Variants in PCDH7 observed in about 807,000 individuals in gnomAD.
PCDH7 encodes protocadherin-7.
A neutral mutation model predicts 58.9 loss-of-function variants in PCDH7; 17 were observed. The observed-to-expected ratio is 0.29, with a 90% CI of 0.20 to 0.43. The LOEUF (loss-of-function observed/expected upper bound fraction) is 0.43. PCDH7 is among the 20% of genes least tolerant of loss of function. The pLI is 1.00. For synonymous variants in PCDH7, 664 were observed against 616.4 expected, an observed-to-expected ratio of 1.08 and a Z score of -1.14; for missense variants, 1,274 against 1,441.0, an observed-to-expected ratio of 0.88 and a Z score of 1.88.
At chr4:31,053,139 G>A (rs1490767233) in intron 3 of PCDH7, among the ~76,000 whole-genome samples, 1 of 151,982 alleles carries the variant, frequency 6.6e-6, no homozygotes, top group Non-Finnish European at 1.5e-5. Flanking sequence ...TAAATATGAT[G>A]TATAAAAGCA....
chr4:30,815,474 T>C (rs1430181352), intron 1 of PCDH7, among the ~76,000 whole-genome samples: 1 of 152,218 alleles, frequency 6.6e-6, no homozygotes, highest in African/African-American at 2.4e-5. Flanking sequence ...CTTGGGGTTT[T>C]ATACAATGAC....
rs953471010 is a variant in PCDH7 at position 30,790,922 on chromosome 4, C to CA, written c.70+66334dup. On this transcript the variant is annotated intron_variant, in intron 1 of 3. Transcript: ENST00000509759. ...AGAATGACAGAGAGAGACCTTGTCT[C>CA]AAAAAAAACAAAACAAAACAAACAA... Among the ~76,000 whole-genome samples, 541 of 149,488 alleles carry CA rather than the reference C, an allele frequency of 3.6e-3. 6 individuals carry two copies. The highest frequency in any genetic ancestry group is 0.012 in the African/African-American group (504 of 40,740).
chr4:30,784,067 G>A, intron 1 of PCDH7, among the ~76,000 whole-genome samples: 1 of 152,258 alleles, frequency 6.6e-6, no homozygotes, highest in Non-Finnish European at 1.5e-5. Context: ...GGACTTGACT[G>A]AAAGATTGGT....
At chr4:30,777,392 T>C (rs766420098) in intron 1 of PCDH7, among the ~76,000 whole-genome samples, 4 of 152,184 alleles carry the variant, frequency 2.6e-5, no homozygotes, top group Non-Finnish European at 5.9e-5. Context: ...AGGAATCCTG[T>C]AATACATACA....
chr4:30,785,410 T>C (rs1369697061), intron 1 of PCDH7, among the ~76,000 whole-genome samples: 3 of 152,076 alleles, frequency 2.0e-5, no homozygotes, highest in African/African-American at 7.2e-5. Flanking sequence ...GATGCCTTGG[T>C]AAATGTGTTT....
chr4:30,996,459 A>C (rs1172760948), intron 3 of PCDH7, among the ~76,000 whole-genome samples: 2 of 152,186 alleles, frequency 1.3e-5, no homozygotes, highest in African/African-American at 4.8e-5. Flanking sequence ...TGAAGAAAAA[A>C]GGGCTTTGAG....
At chr4:30,982,478 T>C (rs1447553999) in intron 3 of PCDH7, among the ~76,000 whole-genome samples, 2 of 152,174 alleles carry the variant, frequency 1.3e-5, no homozygotes, top group Non-Finnish European at 1.5e-5. Flanking sequence ...ACCTTCTCTC[T>C]CATAGGAGGT....
At chr4:30,796,289 T>G (rs1724760702) in intron 1 of PCDH7, among the ~76,000 whole-genome samples, 2 of 152,246 alleles carry the variant, frequency 1.3e-5, no homozygotes, top group Admixed American at 1.3e-4. Flanking sequence ...ATAGGGGGCC[T>G]AACGGACTTC....
At chr4:30,901,537 G>A (rs1039232017) in intron 1 of PCDH7, among the ~76,000 whole-genome samples, 1 of 152,150 alleles carries the variant, frequency 6.6e-6, no homozygotes, top group African/African-American at 2.4e-5. Flanking sequence ...ATTCAAATGT[G>A]CAGCCAGAGT....
At chr4:30,809,578 G>A (rs1726711306) in intron 1 of PCDH7, among the ~76,000 whole-genome samples, 1 of 152,098 alleles carries the variant, frequency 6.6e-6, no homozygotes, top group Non-Finnish European at 1.5e-5. Flanking sequence ...GCAGGTTTCT[G>A]AAATAGGACA....
intron 3 of PCDH7, among the ~76,000 whole-genome samples, chr4:31,123,744 C>T (rs866204464): frequency 1.2e-4 from 18 of 152,206 alleles, no homozygotes; most frequent in Admixed American, 9.2e-4. Context: ...GAACCAGGTC[C>T]CACGAACAGA....
At chr4:31,073,200 T>A (rs2307) in intron 3 of PCDH7, among the ~76,000 whole-genome samples, 13,573 of 152,222 alleles carry the variant, frequency 0.089, 707 homozygotes, top group South Asian at 0.18. Context: ...GCTTAGGGGA[T>A]TAGATTTGCT....
chr4:31,058,420 T>C (rs114923938), intron 3 of PCDH7, among the ~76,000 whole-genome samples: 2,872 of 152,174 alleles, frequency 0.019, 84 homozygotes, highest in African/African-American at 0.065. Flanking sequence ...TATATGCCAG[T>C]CTACTGAAGC....
intron 3 of PCDH7, among the ~76,000 whole-genome samples, chr4:31,122,658 T>C (rs1378310597): frequency 6.6e-6 from 1 of 152,074 alleles, no homozygotes; most frequent in African/African-American, 2.4e-5. Flanking sequence ...AAGTGTAGGG[T>C]AGAGATGATA....
intron 1 of PCDH7, among the ~76,000 whole-genome samples, chr4:30,894,496 T>A (rs1374233877): frequency 8.9e-4 from 26 of 29,262 alleles, no homozygotes; most frequent in East Asian, 2.1e-3. Context: ...AAAAAATATA[T>A]ATATATATAT....
chr4:31,101,200 T>C (rs1374543110), intron 3 of PCDH7, among the ~76,000 whole-genome samples: 2 of 152,184 alleles, frequency 1.3e-5, no homozygotes, highest in African/African-American at 4.8e-5. Flanking sequence ...TCAATTATAC[T>C]CTTGCAAGAT....
At chr4:30,978,294 C>A (rs1578472970) in intron 3 of PCDH7, among the ~76,000 whole-genome samples, 1 of 152,252 alleles carries the variant, frequency 6.6e-6, no homozygotes, top group East Asian at 1.9e-4. Context: ...CCTTTCTGAT[C>A]CTTAATTTCC....
intron 2 of PCDH7, among the ~76,000 whole-genome samples, chr4:30,924,022 G>A (rs865903411): frequency 1.2e-4 from 19 of 152,158 alleles, no homozygotes; most frequent in Admixed American, 7.9e-4. Flanking sequence ...TTCAAGGCAA[G>A]CATTGACTGT....
At chr4:30,961,402 AT>A (rs1354836317) in intron 3 of PCDH7, among the ~76,000 whole-genome samples, 1 of 137,574 alleles carries the variant, frequency 7.3e-6, no homozygotes, top group African/African-American at 2.9e-5. Context: ...AAAAAAAAAA[AT>A]TTGCCAGGTG....
Sources: gnomAD v4.1 joint callset for allele counts (sites outside exome capture counted in the v4.1 genomes callset) on GRCh38, gnomAD v4.1.1 for gene constraint, MANE v1.5 for transcripts, NCBI Gene and HGNC (gene_info 2026-07-23, HGNC 2026-07-21) for gene names.